The following MTHFD1L variants were observed in gnomAD, a reference collection of about 807,000 sequenced individuals.
MTHFD1L encodes the protein methylenetetrahydrofolate dehydrogenase (NADP+ dependent) 1 like.
In MTHFD1L, 81 loss-of-function variants were observed where a neutral mutation model predicts 119.5. The observed-to-expected ratio is 0.68, with a 90% CI of 0.57 to 0.82. MTHFD1L has a LOEUF of 0.82. Among genes scored for constraint, MTHFD1L ranks in the 40% least tolerant of loss-of-function variants. The pLI is 0.00. For synonymous variants in MTHFD1L, 430 were observed against 475.2 expected (o/e 0.90, Z 1.24); for missense variants, 1,125 against 1,253.4 (o/e 0.90, Z 1.55).
At chr6:150,902,171 A>G (rs1785188770) in intron 7 of MTHFD1L, among the ~76,000 whole-genome samples, 1 of 152,206 alleles carries the variant, frequency 6.6e-6, no homozygotes, top group Non-Finnish European at 1.5e-5. Context: ...ATAACTTTCC[A>G]AATCTCATCT....
chr6:151,055,467 T>C (rs1179948911), intron 26 of MTHFD1L, among the ~76,000 whole-genome samples: 1 of 151,710 alleles, frequency 6.6e-6, no homozygotes, highest in African/African-American at 2.4e-5. Flanking sequence ...AGATAGAAAG[T>C]AGCAAACCCA....
intron 26 of MTHFD1L, among the ~76,000 whole-genome samples, chr6:151,084,418 G>A (rs957672498): frequency 6.6e-6 from 1 of 152,152 alleles, no homozygotes; most frequent in Non-Finnish European, 1.5e-5. Flanking sequence ...TGAAATGGAA[G>A]TAATGTAATA....
At chr6:150,990,491 C>T (rs1352102358) in intron 20 of MTHFD1L, among the ~76,000 whole-genome samples, 1 of 151,892 alleles carries the variant, frequency 6.6e-6, no homozygotes. Context: ...CAGAGTTTCA[C>T]TCTTCTTGCC....
intron 27 of MTHFD1L, chr6:151,099,623 G>C: frequency 1.9e-6 from 3 of 1,607,198 alleles, no homozygotes; most frequent in Non-Finnish European, 2.6e-6. Flanking sequence ...AAAATTAAGC[G>C]TAACTGGTGG....
intron 20 of MTHFD1L, among the ~76,000 whole-genome samples, chr6:150,997,096 GGCGCTGTCCCA>G (rs1321061273): frequency 1.3e-5 from 2 of 152,126 alleles, no homozygotes; most frequent in South Asian, 4.2e-4. Context: ...TGTTCTCCTG[GGCGCTGTCCCA>G]GCTCTGTCCC....
In MTHFD1L at chr6:150,971,034, T is replaced by C. The variant is rs550136286; in HGVS notation, c.2014-913T>C. 9.2e-4 allele frequency among the ~76,000 whole-genome samples: 139 copies of C among 151,398 alleles called. 1 individual carries two copies. Among genetic ancestry groups the C allele is most frequent in the Non-Finnish European group, 7.9e-4 (54 of 68,008 alleles). ...TCTGTGATTTCTAGCTAAAGCTACA[T>C]TTATACAAAAATATAAAGTGCTTTT... On this transcript the variant is annotated intron_variant, in intron 19 of 27. Coordinates refer to ENST00000367321, the MANE Select transcript of MTHFD1L (RefSeq NM_015440.5).
At chr6:150,871,765 C>G (rs1214851538) in intron 1 of MTHFD1L, among the ~76,000 whole-genome samples, 2 of 149,680 alleles carry the variant, frequency 1.3e-5, no homozygotes, top group African/African-American at 2.5e-5. Flanking sequence ...GCCTCCCAAA[C>G]TGCTGGGATT....
At chr6:150,968,893 G>T (rs1208928435) in intron 19 of MTHFD1L, among the ~76,000 whole-genome samples, 1 of 142,928 alleles carries the variant, frequency 7.0e-6, no homozygotes, top group Non-Finnish European at 1.5e-5. Flanking sequence ...TTGTTGCCCA[G>T]GCTGGAGTGC....
rs1782622307 is a variant in MTHFD1L at position 151,013,764 on chromosome 6, C to A, written c.2266-15C>A. 1.2e-6 allele frequency: 2 copies of A among 1,607,648 alleles called. No homozygotes were observed. The highest frequency in any genetic ancestry group is 1.7e-6 in the Non-Finnish European group (2 of 1,175,048). Reference sequence around the variant, plus strand: ...TTTATAGGATTATTCTTCATGTTTTCTCTCCTTATTTCAGGTAACGGCTGG... The same window carrying A: ...TTTATAGGATTATTCTTCATGTTTTATCTCCTTATTTCAGGTAACGGCTGG... On this transcript the variant is annotated splice_polypyrimidine_tract_variant and intron_variant, in intron 21 of 27. Transcript: ENST00000367321.
chr6:150,914,027 G>A (rs1787424275), intron 8 of MTHFD1L, among the ~76,000 whole-genome samples: 1 of 152,250 alleles, frequency 6.6e-6, no homozygotes, highest in South Asian at 2.1e-4. Flanking sequence ...CTACATGGGA[G>A]GCAGAGGCAG....
At chr6:150,981,439 T>C (rs1164291283) in intron 20 of MTHFD1L, among the ~76,000 whole-genome samples, 1 of 152,248 alleles carries the variant, frequency 6.6e-6, no homozygotes, top group Non-Finnish European at 1.5e-5. Flanking sequence ...TTTGCTGCAA[T>C]GCCTCACGGC....
At chr6:150,907,031 C>T (rs2128853002) in intron 8 of MTHFD1L, among the ~76,000 whole-genome samples, 1 of 151,108 alleles carries the variant, frequency 6.6e-6, no homozygotes, top group Non-Finnish European at 1.5e-5. Context: ...AAAAACAAAG[C>T]CTAACCTATT....
At chr6:151,089,807 C>T (rs1167507639) in intron 26 of MTHFD1L, among the ~76,000 whole-genome samples, 3 of 152,318 alleles carry the variant, frequency 2.0e-5, no homozygotes, top group East Asian at 3.9e-4. Context: ...ATTGTATGCA[C>T]TCACTGTAGT....
intron 16 of MTHFD1L, among the ~76,000 whole-genome samples, chr6:150,955,780 G>A (rs139603556): frequency 3.5e-4 from 53 of 152,220 alleles, no homozygotes; most frequent in African/African-American, 1.3e-3. Flanking sequence ...GATTACAGGC[G>A]TGAGCCACTG....
At chr6:151,035,655 A>T (rs1374352801) in intron 25 of MTHFD1L, among the ~76,000 whole-genome samples, 1 of 152,116 alleles carries the variant, frequency 6.6e-6, no homozygotes, top group South Asian at 2.1e-4. Context: ...GGTCATTCTC[A>T]TAAGGTTGGT....
At chr6:150,892,084 C>G (rs1314680211) in intron 7 of MTHFD1L, among the ~76,000 whole-genome samples, 1 of 152,166 alleles carries the variant, frequency 6.6e-6, no homozygotes, top group Non-Finnish European at 1.5e-5. Context: ...TTAGCAGTCA[C>G]CACATGGTGG....
intron 15 of MTHFD1L, among the ~76,000 whole-genome samples, chr6:150,948,357 T>C (rs1794336321): frequency 6.6e-6 from 1 of 151,864 alleles, no homozygotes; most frequent in South Asian, 2.1e-4. Context: ...TCTTGCTCTG[T>C]CACTCAGGCT....
chr6:151,015,841 C>T, intron 24 of MTHFD1L, 148 bp downstream of exon 24: 1 of 987,388 alleles, frequency 1.0e-6, no homozygotes, highest in East Asian at 2.8e-5. Context: ...AATCCCAACA[C>T]TTTGGGAGGC....
At chr6:151,082,199 C>G (rs1793259925) in intron 26 of MTHFD1L, among the ~76,000 whole-genome samples, 1 of 152,204 alleles carries the variant, frequency 6.6e-6, no homozygotes, top group East Asian at 1.9e-4. Context: ...CGCAAAAACT[C>G]TAGGTGGGAA....
Sources: allele counts gnomAD v4.1 joint callset (sites outside exome capture counted in the v4.1 genomes callset), GRCh38; gene constraint gnomAD v4.1.1; transcripts MANE v1.5; gene names NCBI Gene and HGNC (gene_info 2026-07-23, HGNC 2026-07-21).